Variants in REV3L observed in about 807,000 individuals in gnomAD.
REV3L encodes DNA polymerase zeta catalytic subunit.
Under a neutral mutation model 299.4 loss-of-function variants are expected in REV3L, and 69 were observed. The ratio of observed to expected loss-of-function variants is 0.23; its 90% CI spans 0.19 to 0.28. The LOEUF (loss-of-function observed/expected upper bound fraction) is 0.28, where lower values mean the gene tolerates loss of function less well. Among genes scored for constraint, REV3L ranks in the 10% least tolerant of loss-of-function variants. The probability of loss-of-function intolerance (pLI) is 1.00; values close to 1 mark genes in which losing one functional copy is unlikely to be tolerated. For synonymous variants in REV3L, 1,238 were observed against 1,271.4 expected, an observed-to-expected ratio of 0.97 and a Z score of 0.56; for missense variants, 3,128 against 3,693.8, an observed-to-expected ratio of 0.85 and a Z score of 3.97.
chr6:111,323,741 A>G (rs560679164), intron 25 of REV3L, among the ~76,000 whole-genome samples: 2 of 152,332 alleles, frequency 1.3e-5, no homozygotes, highest in South Asian at 4.1e-4. Context: ...ATTGCCATTC[A>G]ACATAAAACA....
chr6:111,356,907 A>T (rs1024584701), intron 18 of REV3L, 107 bp downstream of exon 18: 2 of 498,452 alleles, frequency 4.0e-6, no homozygotes, highest in Non-Finnish European at 7.2e-6. Context: ...GGTCATAGGA[A>T]GGGATTCGCT....
chr6:111,316,717 A>G (rs1160707463), intron 26 of REV3L, among the ~76,000 whole-genome samples: 1 of 152,134 alleles, frequency 6.6e-6, no homozygotes, highest in African/African-American at 2.4e-5. Context: ...AATGTATGTT[A>G]ACTGAAAAAT....
At chr6:111,453,236 T>C (rs900364568) in intron 1 of REV3L, among the ~76,000 whole-genome samples, 1 of 152,204 alleles carries the variant, frequency 6.6e-6, no homozygotes, top group Non-Finnish European at 1.5e-5. Context: ...CATTTTAAAC[T>C]GTTTCCAGAT....
In REV3L at chr6:111,310,025, G is replaced by A; in HGVS notation, c.8870C>T (p.Thr2957Ile). The change falls in exon 30 of 32, where the codon ACC becomes ATC. Residue 2957 changes from threonine to isoleucine, a missense_variant. By Grantham distance (89) the Thr-to-Ile change is moderately conservative (BLOSUM62 -1). This residue lies in a region of REV3L where 294 missense variants were observed against 377.0 expected (regional missense o/e 0.78). Coordinates refer to ENST00000368802, the MANE Select transcript of REV3L (RefSeq NM_001372078.1). ...AAGCTGGATAAGTGGTACTCCGGGG[G>A]TCCCATAAATGATGACGTATGGCAC... ...ERVPYVIIYG[T>I]PGVPLIQLVR... The A allele has an allele frequency of 6.2e-7, 1 of 1,612,790 alleles. No individual in the cohort carries two copies. The highest frequency in any genetic ancestry group is 1.1e-5 in the South Asian group (1 of 90,832).
intron 3 of REV3L, among the ~76,000 whole-genome samples, chr6:111,407,140 C>A (rs889252957): frequency 1.3e-5 from 2 of 152,152 alleles, no homozygotes; most frequent in African/African-American, 2.4e-5. Context: ...AAATTCAAAT[C>A]AAAATTTCTC....
chr6:111,452,708 C>A (rs1456779323), intron 1 of REV3L, among the ~76,000 whole-genome samples: 1 of 152,124 alleles, frequency 6.6e-6, no homozygotes, highest in African/African-American at 2.4e-5. Flanking sequence ...ATTTTATATA[C>A]CATGACTGTG....
intron 4 of REV3L, among the ~76,000 whole-genome samples, chr6:111,398,458 T>C (rs1782756236): frequency 6.6e-6 from 1 of 152,102 alleles, no homozygotes; most frequent in South Asian, 2.1e-4. Flanking sequence ...CCCATTTACA[T>C]ACTTTATACA....
At chr6:111,474,316 A>G (rs1792638090) in intron 1 of REV3L, among the ~76,000 whole-genome samples, 1 of 152,178 alleles carries the variant, frequency 6.6e-6, no homozygotes, top group African/African-American at 2.4e-5. Flanking sequence ...TCAGGCCTGG[A>G]GCTGGGCCAC....
At chr6:111,312,474 A>C (rs1773088730) in intron 28 of REV3L, 1 of 152,198 alleles carries the variant, frequency 6.6e-6, no homozygotes, top group Admixed American at 6.5e-5. Context: ...AATTTGAGTA[A>C]TTTATAGCTA....
rs1219710181 is a variant in REV3L, at chr6:111,374,250, C to G, written c.4105G>C (p.Ala1369Pro). The change falls in exon 13 of 32, where the codon GCA becomes CCA. Residue 1369 changes from alanine (A) to proline (P), a missense_variant. Coordinates refer to ENST00000368802, the MANE Select transcript of REV3L (RefSeq NM_001372078.1). The stretch of plus-strand genomic sequence containing the variant: ...CCAGAAGATATCTGTGTATTCTGTG[C>G]TACCTGAGATAAATGATTGGAAAGG... Reference protein sequence around the residue: ...FDLSNHLSQVAQNTQISSGMS... With the variant: ...FDLSNHLSQVPQNTQISSGMS... 6.2e-7 allele frequency: 1 copy of G among 1,613,348 alleles called. No individual in the cohort carries two copies. Among genetic ancestry groups the G allele is most frequent in the Admixed American group, 1.7e-5 (1 of 60,002 alleles).
chr6:111,353,391 A>G (rs1345896911), intron 18 of REV3L, among the ~76,000 whole-genome samples: 1 of 152,212 alleles, frequency 6.6e-6, no homozygotes, highest in African/African-American at 2.4e-5. Flanking sequence ...TTAATTCTGG[A>G]GTATTTCAGT....
At chr6:111,325,086 C>T (rs1005720945) in intron 25 of REV3L, among the ~76,000 whole-genome samples, 6 of 152,308 alleles carry the variant, frequency 3.9e-5, no homozygotes, top group Admixed American at 1.3e-4. Context: ...TGGTCTTGGT[C>T]TCCTGACCTC....
chr6:111,394,615 C>G (rs1008668831), intron 4 of REV3L, among the ~76,000 whole-genome samples: 1 of 151,840 alleles, frequency 6.6e-6, no homozygotes, highest in African/African-American at 2.4e-5. Flanking sequence ...TACACAGTCC[C>G]TTTTGTCTAT....
At position 111,375,131 on chromosome 6, in the gene REV3L, G is replaced by C. The variant is rs1210204004; in HGVS notation, c.3224C>G (p.Ser1075Cys). The C allele has an allele frequency of 6.2e-7, 1 of 1,608,140 alleles. No homozygotes were observed. The highest frequency in any genetic ancestry group is 1.1e-5 in the South Asian group (1 of 89,064). The change falls in exon 13 of 32, where the codon TCT becomes TGT. Residue 1075 changes from serine to cysteine, a missense_variant. Physicochemically the swap from Ser to Cys is moderately radical, Grantham distance 112 (BLOSUM62 -1). This residue lies in a region of REV3L where 2,409 missense variants were observed against 2,611.8 expected (regional missense o/e 0.92). Transcript: ENST00000368802. ...AGCATGTGACCGTTTTTTCCTGAAA[G>C]ACAAAGTTCTTTTAATATTTTCATT... ...TNNENIKRTL[S>C]FRKKRSHAIL... is the part of the protein sequence containing the mutation.
chr6:111,436,773 G>A (rs1787603420), intron 1 of REV3L, among the ~76,000 whole-genome samples: 1 of 152,110 alleles, frequency 6.6e-6, no homozygotes, highest in African/African-American at 2.4e-5. Context: ...ATAGCTAGAA[G>A]AGAATAAATC....
At chr6:111,474,779 C>G (rs567285409) in intron 1 of REV3L, among the ~76,000 whole-genome samples, 143 of 152,258 alleles carry the variant, frequency 9.4e-4, no homozygotes, top group Non-Finnish European at 1.7e-3. Flanking sequence ...TTACCAATTC[C>G]TGTAAGCAAA....
chr6:111,392,308 G>A (rs1364972331), intron 5 of REV3L, among the ~76,000 whole-genome samples: 2 of 152,010 alleles, frequency 1.3e-5, no homozygotes, highest in Admixed American at 6.6e-5. Context: ...ATTAGCACCA[G>A]TAGACAGAAA....
intron 1 of REV3L, among the ~76,000 whole-genome samples, chr6:111,454,473 G>A (rs139079459): frequency 3.1e-4 from 47 of 151,858 alleles, no homozygotes; most frequent in African/African-American, 1.1e-3. Flanking sequence ...ACATTATTGT[G>A]TAACCATCAT....
At chr6:111,357,370 A>T (rs1032252385) in intron 17 of REV3L, among the ~76,000 whole-genome samples, 2 of 152,190 alleles carry the variant, frequency 1.3e-5, no homozygotes, top group Admixed American at 6.5e-5. Flanking sequence ...TCTCCTGAAA[A>T]GGCTGCATTC....
Sources: gnomAD v4.1 joint callset for allele counts (sites outside exome capture counted in the v4.1 genomes callset) on GRCh38, gnomAD v4.1.1 for gene constraint, gnomAD v4.1.1 regional missense constraint, MANE v1.5 for transcripts, NCBI Gene and HGNC (gene_info 2026-07-23, HGNC 2026-07-21) for gene names.